DAGLB: variants seen among roughly 807,000 people sequenced by gnomAD.
The protein encoded by DAGLB is diacylglycerol lipase-beta.
A neutral mutation model predicts 72.1 loss-of-function variants in DAGLB; 66 were observed. The observed-to-expected ratio is 0.92, with a 90% CI of 0.75 to 1.12. The LOEUF (loss-of-function observed/expected upper bound fraction) is 1.12, where lower values mean the gene tolerates loss of function less well. DAGLB is among the 50% of genes most tolerant of loss of function. The pLI, the probability that DAGLB is intolerant of heterozygous loss-of-function variation, is 0.00. For synonymous variants in DAGLB, 414 were observed against 359.5 expected (o/e 1.15, Z -1.71); for missense variants, 1,065 against 884.9 (o/e 1.20, Z -2.58).
At chr7:6,420,236 T>C (rs1430950802) in intron 9 of DAGLB, among the ~76,000 whole-genome samples, 2 of 151,756 alleles carry the variant, frequency 1.3e-5, no homozygotes, top group South Asian at 4.2e-4. Context: ...GGTCAAGAGA[T>C]AGAGACCAGC....
chr7:6,410,157 T>A lies in DAGLB; in HGVS notation c.1793A>T (p.His598Leu). Reference protein sequence around the residue: ...PPLYPPGRIIHLQEEGASGRF... With the variant: ...PPLYPPGRIILLQEEGASGRF... Reference sequence around the variant, plus strand: ...CCCCGAGGCGCCCTCCTCCTGCAGGTGGATGATCCTGCCGGGAGGGTAGAG... The same window carrying A: ...CCCCGAGGCGCCCTCCTCCTGCAGGAGGATGATCCTGCCGGGAGGGTAGAG... Residue 598 changes from histidine to leucine, a missense_variant, in exon 14 of 15, where the codon CAC becomes CTC. Physicochemically the swap from His to Leu is moderately conservative, Grantham distance 99 (BLOSUM62 -3). Transcript: ENST00000297056. 6.3e-7 allele frequency: 1 copy of A among 1,576,410 alleles called. No homozygotes were observed.
chr7:6,409,824 C>T lies in DAGLB; in HGVS notation c.*13G>A. 1 of 1,611,454 alleles carries T rather than the reference C, an allele frequency of 6.2e-7. No homozygotes were observed. Among genetic ancestry groups the T allele is most frequent in the Non-Finnish European group, 8.5e-7 (1 of 1,178,654 alleles). On this transcript the variant is annotated 3_prime_UTR_variant, in exon 15 of 15. Transcript: ENST00000297056. ...GAGTCCATCGTTCCTGGGACAGTTT[C>T]CAGTGGCCCTGGTCAGGCCACGTCC...
chr7:6,432,927 C>A lies in DAGLB; in HGVS notation c.711G>T (p.Ala237=). Reference sequence around the variant, plus strand: ...GTTGCTGATGAAGCAGGGCGAGGCCCGCCGCAATGTCGCTGGGCACCAGAT... The same window carrying A: ...GTTGCTGATGAAGCAGGGCGAGGCCAGCCGCAATGTCGCTGGGCACCAGAT... The part of the protein sequence containing the change: ...DTDLVPSDIA[A]GLALLHQQQD... Residue 237 remains alanine, a synonymous_variant, in exon 5 of 15, where the codon GCG becomes GCT. Coordinates refer to ENST00000297056, the MANE Select transcript of DAGLB (RefSeq NM_139179.4). 2 of 1,613,854 alleles carry A rather than the reference C, an allele frequency of 1.2e-6. No individual in the cohort carries two copies. Among genetic ancestry groups the A allele is most frequent in the African/African-American group, 1.3e-5 (1 of 75,014 alleles).
intron 2 of DAGLB, among the ~76,000 whole-genome samples, chr7:6,440,336 A>C (rs1784790248): frequency 6.6e-6 from 1 of 151,814 alleles, no homozygotes; most frequent in African/African-American, 2.4e-5. Flanking sequence ...GTGAGCCGAG[A>C]TCATGCCATT....
intron 9 of DAGLB, among the ~76,000 whole-genome samples, chr7:6,418,316 C>A (rs1414432444): frequency 6.6e-6 from 1 of 152,062 alleles, no homozygotes; most frequent in South Asian, 2.1e-4. Flanking sequence ...TTACAGTGAA[C>A]TATGATTGCA....
At position 6,412,858 on chromosome 7, in the gene DAGLB, G is replaced by C. The variant is rs1193994403; in HGVS notation, c.1522C>G (p.Leu508Val). 2 of 1,606,122 alleles carry C rather than the reference G, an allele frequency of 1.2e-6. No individual in the cohort carries two copies. The highest frequency in any genetic ancestry group is 1.7e-5 in the Admixed American group (1 of 58,932). Residue 508 changes from leucine to valine, a missense_variant, in exon 13 of 15, where the codon CTG becomes GTG. Transcript: ENST00000297056. ...ACCACTCGCAAGATTCTTCTCTTCA[G>C]ATCTTCCAAGTTGGTCACACTGAGC... ...PRLSVTNLED[L>V]KRRILRVVAH... is the part of the protein sequence containing the mutation.
chr7:6,413,316 G>A (rs192020988), intron 11 of DAGLB, among the ~76,000 whole-genome samples: 54 of 152,272 alleles, frequency 3.5e-4, no homozygotes, highest in South Asian at 2.7e-3. Flanking sequence ...CCCAGAAACC[G>A]CGCTTGGAAG....
At chr7:6,426,321 G>A (rs1362622745) in intron 6 of DAGLB, among the ~76,000 whole-genome samples, 1 of 152,222 alleles carries the variant, frequency 6.6e-6, no homozygotes, top group Non-Finnish European at 1.5e-5. Flanking sequence ...CCAGGCTGGA[G>A]TACCGTGGTA....
chr7:6,429,444 T>C (rs941687866), intron 6 of DAGLB, among the ~76,000 whole-genome samples: 1 of 150,534 alleles, frequency 6.6e-6, no homozygotes, highest in African/African-American at 2.4e-5. Flanking sequence ...TCATCCTGGA[T>C]TGGAGAAAAA....
intron 1 of DAGLB, among the ~76,000 whole-genome samples, chr7:6,446,331 A>T (rs938385815): frequency 5.9e-5 from 8 of 136,400 alleles, no homozygotes; most frequent in African/African-American, 2.2e-4. Flanking sequence ...AAAAAAAAAT[A>T]GCTGGGCGTA....
intron 2 of DAGLB, among the ~76,000 whole-genome samples, chr7:6,436,807 T>C (rs1784673035): frequency 1.3e-5 from 2 of 151,988 alleles, no homozygotes; most frequent in Admixed American, 6.6e-5. Context: ...AATATAATCA[T>C]GGCCCAAACT....
rs146557234 is a variant in DAGLB at position 6,447,415 on chromosome 7, C to A, written c.95+333G>T. ...GGAGAACTCGAGGCCAAGGCTTTTG[C>A]CGGCGGTAACACCCTCGTGGCACCC... On this transcript the variant is annotated intron_variant, in intron 1 of 14. Coordinates refer to ENST00000297056, the MANE Select transcript of DAGLB (RefSeq NM_139179.4). Among the ~76,000 whole-genome samples, 627 of 152,304 alleles carry A rather than the reference C, an allele frequency of 4.1e-3. 3 individuals are homozygous for A. Among genetic ancestry groups the A allele is most frequent in the African/African-American group, 0.015 (605 of 41,572 alleles).
chr7:6,416,806 G>T (rs1172000144), intron 10 of DAGLB, 35 bp downstream of exon 10: 1 of 1,614,194 alleles, frequency 6.2e-7, no homozygotes, highest in Non-Finnish European at 8.5e-7. Flanking sequence ...CAGCTCCAAA[G>T]AGGACAAGGA....
At chr7:6,429,511 C>T (rs1318804634) in intron 6 of DAGLB, among the ~76,000 whole-genome samples, 2 of 151,880 alleles carry the variant, frequency 1.3e-5, no homozygotes, top group African/African-American at 4.8e-5. Flanking sequence ...CTTGTAATCC[C>T]AGAACTCTGG....
At chr7:6,428,316 A>G (rs1278231372) in intron 6 of DAGLB, among the ~76,000 whole-genome samples, 2 of 39,774 alleles carry the variant, frequency 5.0e-5, no homozygotes, top group Non-Finnish European at 8.6e-5. Context: ...ACTCTGTCTC[A>G]AAAAAAAAAA....
In DAGLB at chr7:6,435,029, CAGAG is replaced by C. The variant is rs748327457; in HGVS notation, c.420-13_420-10del. 1 of 1,612,028 alleles carries C rather than the reference CAGAG, an allele frequency of 6.2e-7. No homozygotes were observed. The highest frequency in any genetic ancestry group is 1.3e-5 in the African/African-American group (1 of 74,844). On this transcript the variant is annotated splice_polypyrimidine_tract_variant and intron_variant, in intron 3 of 14. Transcript: ENST00000297056. Reference sequence around the variant, plus strand: ...CAGCGATGATGATCCAACTGCAAGACAGAGAGAGGAAAAGGCTCGGTGACTGCGG... The same window carrying C: ...CAGCGATGATGATCCAACTGCAAGACAGAGGAAAAGGCTCGGTGACTGCGG...
Position 6,434,980 on chromosome 7 carries a change from C to T in DAGLB, c.460G>A (p.Val154Ile). ...IAATVVSIII[V>I]FDPLGGKMAP... ...ATTTTCCCCCCAAGAGGGTCAAAGA[C>T]AATGATAATGGAAACCACTGTGGCA... Residue 154 changes from valine (V) to isoleucine (I), a missense_variant, in exon 4 of 15, where the codon GTC (valine) becomes ATC (isoleucine). Transcript: ENST00000297056. 6.2e-7 allele frequency: 1 copy of T among 1,613,906 alleles called. No individual in the cohort carries two copies. The highest frequency in any genetic ancestry group is 8.5e-7 in the Non-Finnish European group (1 of 1,179,984).
chr7:6,444,168 G>A (rs1179496590), intron 2 of DAGLB, among the ~76,000 whole-genome samples: 4 of 152,100 alleles, frequency 2.6e-5, no homozygotes, highest in African/African-American at 7.2e-5. Context: ...CAGCTACTTG[G>A]GGGTTGAGAA....
intron 9 of DAGLB, among the ~76,000 whole-genome samples, chr7:6,421,045 G>T (rs187798693): frequency 1.3e-5 from 2 of 152,188 alleles, no homozygotes; most frequent in Non-Finnish European, 2.9e-5. Context: ...GCTCACGCCC[G>T]TAATCCCAAT....
Sources: gnomAD v4.1 joint callset for allele counts (sites outside exome capture counted in the v4.1 genomes callset) on GRCh38, gnomAD v4.1.1 for gene constraint, MANE v1.5 for transcripts, NCBI Gene and HGNC (gene_info 2026-07-23, HGNC 2026-07-21) for gene names.